The following ZNF704 variants were observed in gnomAD, a reference collection of about 807,000 sequenced individuals.
ZNF704 encodes glucocorticoid induced gene 1.
A neutral mutation model predicts 44.7 loss-of-function variants in ZNF704; 10 were observed. The ratio of observed to expected loss-of-function variants is 0.22; its 90% CI spans 0.14 to 0.38. The LOEUF is 0.38. Ranked by LOEUF, ZNF704 falls within the 10% of genes least tolerant of loss-of-function variation. The pLI is 1.00. For synonymous variants in ZNF704, 211 were observed against 207.6 expected (o/e 1.02, Z -0.14); for missense variants, 390 against 545.5 (o/e 0.71, Z 2.84).
chr8:80,860,531 T>C (rs1586081535), intron 1 of ZNF704, among the ~76,000 whole-genome samples: 1 of 152,228 alleles, frequency 6.6e-6, no homozygotes, highest in African/African-American at 2.4e-5. Flanking sequence ...ACATTTTGTA[T>C]GGAAAAAATA....
chr8:80,646,945 C>T (rs986431990), intron 7 of ZNF704, among the ~76,000 whole-genome samples: 8 of 152,214 alleles, frequency 5.3e-5, no homozygotes, highest in Non-Finnish European at 1.0e-4. Flanking sequence ...AGTAACACTA[C>T]TCCCATCAGC....
chr8:80,866,331 G>A lies in ZNF704; in HGVS notation c.-22+8240C>T, dbSNP rs191259361. On this transcript the variant is annotated intron_variant, in intron 1 of 8. Coordinates refer to ENST00000327835, the MANE Select transcript of ZNF704 (RefSeq NM_001033723.3). Reference sequence around the variant, plus strand: ...GTTAGAATGTGGGCTCCCTGAAAGCGGAAGAAGGCCTATTTACTGTTGTAT... The same window carrying A: ...GTTAGAATGTGGGCTCCCTGAAAGCAGAAGAAGGCCTATTTACTGTTGTAT... Among the ~76,000 whole-genome samples the A allele has an allele frequency of 5.9e-5, 9 of 152,276 alleles. No individual in the cohort carries two copies. The East Asian group carries it at 7.7e-4, about 13-fold the overall frequency.
At chr8:80,829,224 A>G (rs1024145152) in intron 1 of ZNF704, among the ~76,000 whole-genome samples, 2 of 152,246 alleles carry the variant, frequency 1.3e-5, no homozygotes, top group African/African-American at 4.8e-5. Flanking sequence ...ATGTGTTTAG[A>G]AAATCAACAG....
intron 2 of ZNF704, among the ~76,000 whole-genome samples, chr8:80,743,579 G>A (rs1806799269): frequency 6.6e-6 from 1 of 152,214 alleles, no homozygotes; most frequent in Non-Finnish European, 1.5e-5. Flanking sequence ...GGCTGCTGCC[G>A]CTCGGCACAC....
At chr8:80,884,417 C>T in the ZNF704 span, among the ~76,000 whole-genome samples, 1 of 152,210 alleles carries the variant, frequency 6.6e-6, no homozygotes. Flanking sequence ...CCCAGTGGCT[C>T]CATATATTTA....
chr8:80,880,277 A>G, the ZNF704 span, among the ~76,000 whole-genome samples: 1 of 152,222 alleles, frequency 6.6e-6, no homozygotes, highest in Non-Finnish European at 1.5e-5. Flanking sequence ...ATGAGCGGAC[A>G]CTTGTGGCCA....
intron 2 of ZNF704, among the ~76,000 whole-genome samples, chr8:80,772,212 G>A (rs962082346): frequency 6.6e-6 from 1 of 152,074 alleles, no homozygotes; most frequent in African/African-American, 2.4e-5. Flanking sequence ...TGGTATTAGG[G>A]TAATACTAGT....
At chr8:80,838,066 C>T (rs916840010) in intron 1 of ZNF704, among the ~76,000 whole-genome samples, 6 of 152,164 alleles carry the variant, frequency 3.9e-5, no homozygotes, top group Admixed American at 6.5e-5. Flanking sequence ...TCCCCAGAGC[C>T]CACTCTCATC....
At chr8:80,667,631 T>C (rs571972693) in intron 5 of ZNF704, among the ~76,000 whole-genome samples, 2 of 152,366 alleles carry the variant, frequency 1.3e-5, no homozygotes, top group African/African-American at 2.4e-5. Context: ...TTGTTCATCA[T>C]GTGTCACTCC....
At chr8:80,765,951 T>G (rs1044333131) in intron 2 of ZNF704, among the ~76,000 whole-genome samples, 1 of 152,158 alleles carries the variant, frequency 6.6e-6, no homozygotes, top group Admixed American at 6.5e-5. Flanking sequence ...AATTCATTAG[T>G]GTAGTTTACT....
At chr8:80,669,458 T>C (rs1818246136) in intron 5 of ZNF704, among the ~76,000 whole-genome samples, 1 of 152,224 alleles carries the variant, frequency 6.6e-6, no homozygotes, top group African/African-American at 2.4e-5. Flanking sequence ...TGGAAGGCTC[T>C]GGTGTGTCCC....
intron 1 of ZNF704, 137 bp from the exon 2 acceptor site, chr8:80,821,752 A>G: frequency 1.5e-6 from 1 of 661,364 alleles, no homozygotes; most frequent in Non-Finnish European, 2.6e-6. Flanking sequence ...AATAAGAAAA[A>G]TGCAACATAG....
At chr8:80,837,759 T>A (rs1436733890) in intron 1 of ZNF704, among the ~76,000 whole-genome samples, 1 of 152,192 alleles carries the variant, frequency 6.6e-6, no homozygotes, top group South Asian at 2.1e-4. Context: ...TTATTTCTTT[T>A]CGAAGGAGGC....
At chr8:80,825,518 A>G (rs1808356086) in intron 1 of ZNF704, among the ~76,000 whole-genome samples, 2 of 152,258 alleles carry the variant, frequency 1.3e-5, no homozygotes, top group Admixed American at 6.5e-5. Context: ...ACAGATCAAC[A>G]AGACAGAAAG....
At chr8:80,809,402 T>A (rs751522747) in intron 2 of ZNF704, among the ~76,000 whole-genome samples, 1 of 152,224 alleles carries the variant, frequency 6.6e-6, no homozygotes, top group African/African-American at 2.4e-5. Context: ...CCTTGTAAGA[T>A]GTTACTCTTA....
intron 1 of ZNF704, among the ~76,000 whole-genome samples, chr8:80,854,712 T>C (rs1293339768): frequency 6.6e-6 from 1 of 152,162 alleles, no homozygotes; most frequent in East Asian, 1.9e-4. Context: ...AATTGGAGCT[T>C]AGACTGGTTT....
intron 1 of ZNF704, among the ~76,000 whole-genome samples, chr8:80,867,304 A>C (rs1434165264): frequency 2.0e-5 from 3 of 152,218 alleles, no homozygotes; most frequent in Non-Finnish European, 4.4e-5. Context: ...CAAGTATTCC[A>C]AAAATAGAAG....
At position 80,635,021 on chromosome 8, in the gene ZNF704, T is replaced by C. The variant is rs1817644696; in HGVS notation, c.*6345A>G. ...TCAAGTGTGCAGATTCTAAAGCCTA[T>C]TTGAAACCAAGGTCTGAGTGACCTT... On this transcript the variant is annotated 3_prime_UTR_variant, in exon 9 of 9. Coordinates refer to ENST00000327835, the MANE Select transcript of ZNF704 (RefSeq NM_001033723.3). The C allele has an allele frequency of 6.6e-6, 1 of 152,192 alleles. No homozygotes were observed. 9.4% of individuals were successfully genotyped at this position (152,192 alleles called of 1,614,324 possible). A position where few individuals can be genotyped will look rare whatever the true frequency, so the allele number is the denominator to read the frequency against.
At chr8:80,876,491 G>C (rs1404946825), upstream of ZNF704, among the ~76,000 whole-genome samples, 1 of 152,196 alleles carries the variant, frequency 6.6e-6, no homozygotes, top group Admixed American at 6.5e-5. Flanking sequence ...ATCGGGGCAA[G>C]GGGTGGGCAG....
Sources: gnomAD v4.1 joint callset for allele counts (sites outside exome capture counted in the v4.1 genomes callset) on GRCh38, gnomAD v4.1.1 for gene constraint, MANE v1.5 for transcripts, NCBI Gene and HGNC (gene_info 2026-07-23, HGNC 2026-07-21) for gene names.